The following BICD1 variants were observed in gnomAD, a reference collection of about 807,000 sequenced individuals.
BICD1 encodes BICD cargo adaptor 1.
Under a neutral mutation model 92.5 loss-of-function variants are expected in BICD1, and 35 were observed. The observed-to-expected ratio is 0.38, with a 90% CI of 0.29 to 0.50. The LOEUF (loss-of-function observed/expected upper bound fraction) is 0.50. BICD1 is among the 20% of genes least tolerant of loss of function. The pLI, the probability that BICD1 is intolerant of heterozygous loss-of-function variation, is 0.93. For missense variants in BICD1, 950 were observed against 1,189.8 expected (o/e 0.80, Z 2.97); for synonymous variants, 429 against 465.1 (o/e 0.92, Z 1.00).
At chr12:32,288,664 A>C (rs1947645364) in intron 2 of BICD1, among the ~76,000 whole-genome samples, 1 of 152,114 alleles carries the variant, frequency 6.6e-6, no homozygotes, top group Non-Finnish European at 1.5e-5. Context: ...TCAGAAGTTC[A>C]AGACCAGCCT....
At chr12:32,279,723 A>C (rs1391180766) in intron 2 of BICD1, among the ~76,000 whole-genome samples, 2 of 152,238 alleles carry the variant, frequency 1.3e-5, no homozygotes, top group East Asian at 3.8e-4. Flanking sequence ...GGAGGCAGGT[A>C]TCCCATGGGA....
chr12:32,215,953 C>CA (rs56005523), intron 1 of BICD1, among the ~76,000 whole-genome samples: 3,312 of 67,576 alleles, frequency 0.049, 295 homozygotes, highest in African/African-American at 0.15. Flanking sequence ...GACTCCGTCT[C>CA]AAAAAAAAAA....
At chr12:32,214,002 T>G (rs940803024) in intron 1 of BICD1, among the ~76,000 whole-genome samples, 1 of 152,254 alleles carries the variant, frequency 6.6e-6, no homozygotes, top group African/African-American at 2.4e-5. Context: ...ATTATTGTAA[T>G]TCTACTGTAA....
chr12:32,329,085 G>T (rs548487858), intron 5 of BICD1, among the ~76,000 whole-genome samples: 2 of 151,058 alleles, frequency 1.3e-5, no homozygotes, highest in Non-Finnish European at 2.9e-5. Flanking sequence ...TAGGAGTATA[G>T]CAAAATTATT....
At chr12:32,343,205 C>T (rs1189156275) in intron 8 of BICD1, among the ~76,000 whole-genome samples, 1 of 152,164 alleles carries the variant, frequency 6.6e-6, no homozygotes, top group Non-Finnish European at 1.5e-5. Context: ...ACCCTGTTGT[C>T]ATCAAGGAGT....
chr12:32,170,063 C>T (rs931337371), intron 1 of BICD1, among the ~76,000 whole-genome samples: 1 of 152,182 alleles, frequency 6.6e-6, no homozygotes, highest in Non-Finnish European at 1.5e-5. Flanking sequence ...GAAACCTGTC[C>T]CTGAGTTTAA....
chr12:32,348,723 A>AATATATATATAT (rs11272207), intron 8 of BICD1, among the ~76,000 whole-genome samples: 43 of 117,970 alleles, frequency 3.6e-4, no homozygotes, highest in South Asian at 1.2e-3. Flanking sequence ...CTCACACAAA[A>AATATATATATAT]ATATATATAT....
chr12:32,109,140 A>G (rs1941598285), intron 1 of BICD1: 1 of 153,532 alleles, frequency 6.5e-6, no homozygotes, highest in Non-Finnish European at 1.4e-5. Flanking sequence ...GATTTAAACA[A>G]TCCTTCTAGG....
chr12:32,289,747 A>C (rs2632359), intron 2 of BICD1, among the ~76,000 whole-genome samples: 109,744 of 152,182 alleles, frequency 0.72, 39,902 homozygotes, highest in Middle Eastern at 0.79. Flanking sequence ...AACCACCTTT[A>C]AACAGTATTA....
intron 1 of BICD1, among the ~76,000 whole-genome samples, chr12:32,150,865 G>A (rs567923663): frequency 5.3e-5 from 8 of 152,268 alleles, no homozygotes; most frequent in Admixed American, 4.6e-4. Context: ...AAGAAGGCAC[G>A]TGAGACTCAT....
chr12:32,136,103 A>G, intron 1 of BICD1, among the ~76,000 whole-genome samples: 1 of 152,156 alleles, frequency 6.6e-6, no homozygotes, highest in Admixed American at 6.5e-5. Flanking sequence ...TTCCCCTGTA[A>G]AGACTGAGGC....
chr12:32,143,917 C>T (rs547352698), intron 1 of BICD1, among the ~76,000 whole-genome samples: 104 of 152,134 alleles, frequency 6.8e-4, no homozygotes, highest in African/African-American at 2.4e-3. Flanking sequence ...ATTTTTATTT[C>T]GATTTCCTAA....
At chr12:32,362,768 C>G (rs1343005544) in intron 8 of BICD1, among the ~76,000 whole-genome samples, 1 of 152,204 alleles carries the variant, frequency 6.6e-6, no homozygotes, top group Non-Finnish European at 1.5e-5. Flanking sequence ...AGTTAATACA[C>G]ATGCTGAGCT....
chr12:32,302,880 A>ATTTTTT (rs371035402), intron 3 of BICD1, among the ~76,000 whole-genome samples: 5 of 109,906 alleles, frequency 4.5e-5, no homozygotes, highest in Admixed American at 1.0e-4. Flanking sequence ...TCCAATGACC[A>ATTTTTT]TTTTTTTTTT....
At chr12:32,339,265 T>C in intron 8 of BICD1, 2 of 1,095,654 alleles carry the variant, frequency 1.8e-6, no homozygotes, top group Non-Finnish European at 2.2e-6. Flanking sequence ...GCACACACAC[T>C]TGGATCCTAT....
chr12:32,360,934 A>T (rs1939301486), intron 8 of BICD1, among the ~76,000 whole-genome samples: 1 of 152,244 alleles, frequency 6.6e-6, no homozygotes, highest in African/African-American at 2.4e-5. Context: ...TTTTAAACAT[A>T]AAGTTTAAAT....
At chr12:32,128,906 G>A (rs929293120) in intron 1 of BICD1, among the ~76,000 whole-genome samples, 4 of 151,868 alleles carry the variant, frequency 2.6e-5, no homozygotes, top group Non-Finnish European at 4.4e-5. Flanking sequence ...ACAAGTAGCC[G>A]GGACTACAGG....
At chr12:32,250,218 G>C (rs551885016) in intron 2 of BICD1, among the ~76,000 whole-genome samples, 32 of 152,296 alleles carry the variant, frequency 2.1e-4, no homozygotes, top group South Asian at 6.2e-4. Flanking sequence ...CAGTTACACT[G>C]TTTCCGTTCC....
intron 8 of BICD1, among the ~76,000 whole-genome samples, chr12:32,363,455 C>T (rs1027447194): frequency 9.2e-5 from 14 of 152,186 alleles, no homozygotes; most frequent in African/African-American, 1.4e-4. Flanking sequence ...ATCATATAAA[C>T]GTACAGCATT....
Sources: allele counts gnomAD v4.1 joint callset (sites outside exome capture counted in the v4.1 genomes callset), GRCh38; gene constraint gnomAD v4.1.1; transcripts MANE v1.5; gene names NCBI Gene and HGNC (gene_info 2026-07-23, HGNC 2026-07-21).